PCDHA7: variants seen among roughly 807,000 people sequenced by gnomAD.
The protein encoded by PCDHA7 is protocadherin alpha 7.
A neutral mutation model predicts 57.2 loss-of-function variants in PCDHA7; 37 were observed. The ratio of observed to expected loss-of-function variants is 0.65; its 90% CI spans 0.50 to 0.85. The LOEUF is 0.85. Among genes scored for constraint, PCDHA7 ranks in the 40% least tolerant of loss-of-function variants. PCDHA7 has a pLI of 0.00. For synonymous variants in PCDHA7, 553 were observed against 558.8 expected (o/e 0.99, Z 0.15); for missense variants, 1,188 against 1,241.8 (o/e 0.96, Z 0.65).
At chr5:140,883,758 G>T in intron 1 of PCDHA7, 1 of 1,612,920 alleles carries the variant, frequency 6.2e-7, no homozygotes, top group Non-Finnish European at 8.5e-7. Flanking sequence ...CTGGTGGAGC[G>T]GCGGGTGGGC....
intron 1 of PCDHA7, chr5:140,967,360 G>T: frequency 6.2e-7 from 1 of 1,607,656 alleles, no homozygotes. Flanking sequence ...TGGACCTTAA[G>T]CCCCTGCAGG....
chr5:140,887,043 A>G (rs1459489169), intron 1 of PCDHA7, among the ~76,000 whole-genome samples: 1 of 151,986 alleles, frequency 6.6e-6, no homozygotes, highest in Admixed American at 6.6e-5. Context: ...TATTTTTTAT[A>G]GTGCATATGT....
At chr5:140,937,878 C>G (rs2091818368) in intron 1 of PCDHA7, among the ~76,000 whole-genome samples, 1 of 150,504 alleles carries the variant, frequency 6.6e-6, no homozygotes, top group Admixed American at 6.6e-5. Context: ...CGCCACTGCA[C>G]TCCAGCCTGG....
At chr5:140,966,208 T>G (rs993246205) in intron 1 of PCDHA7, 2 of 231,366 alleles carry the variant, frequency 8.6e-6, no homozygotes, top group Admixed American at 1.1e-4. Flanking sequence ...TTGACTGCTT[T>G]TCCCAGACTA....
At chr5:140,882,113 G>C in intron 1 of PCDHA7, 1 of 1,394,318 alleles carries the variant, frequency 7.2e-7, no homozygotes, top group South Asian at 1.5e-5. Context: ...GAAGAAAGCC[G>C]CCGTTTCTTT....
intron 1 of PCDHA7, among the ~76,000 whole-genome samples, chr5:140,939,663 C>T (rs1282923741): frequency 6.6e-6 from 1 of 152,116 alleles, no homozygotes; most frequent in Non-Finnish European, 1.5e-5. Context: ...ACAGGAATAA[C>T]CAACTTGTAT....
chr5:140,888,755 T>C (rs1290458155), intron 1 of PCDHA7, among the ~76,000 whole-genome samples: 1 of 146,364 alleles, frequency 6.8e-6, no homozygotes, highest in African/African-American at 2.5e-5. Flanking sequence ...TTCTACCCAC[T>C]TTTTTTTTTA....
intron 1 of PCDHA7, among the ~76,000 whole-genome samples, chr5:140,845,512 T>C (rs2150379573): frequency 1.1e-4 from 17 of 149,824 alleles, no homozygotes; most frequent in Admixed American, 1.1e-3. Flanking sequence ...ACCTATTTCT[T>C]GTACATTAAT....
At position 140,850,022 on chromosome 5, in the gene PCDHA7, A is replaced by G. The variant is rs201141536; in HGVS notation, c.2355+13284A>G. The stretch of plus-strand genomic sequence containing the variant: ...AGCGCTCGCTGTCGAGCTACGTGTC[A>G]GTGCACGCGGAGAGCGGCAAGGTGT... On this transcript the variant is annotated intron_variant, in intron 1 of 3. Transcript: ENST00000525929. 38 of 1,596,678 alleles carry G rather than the reference A, an allele frequency of 2.4e-5. 5 individuals are homozygous for G. The highest frequency in any genetic ancestry group is 7.7e-5 in the South Asian group (7 of 90,486).
intron 1 of PCDHA7, among the ~76,000 whole-genome samples, chr5:140,977,477 A>G (rs919582107): frequency 4.6e-5 from 7 of 152,230 alleles, no homozygotes. Flanking sequence ...AGATAATTTT[A>G]TGCTATGTTA....
chr5:140,841,754 T>C (rs1777466378), intron 1 of PCDHA7: 2 of 1,613,818 alleles, frequency 1.2e-6, no homozygotes, highest in South Asian at 2.2e-5. Context: ...TGTTTCAGAA[T>C]CCAGAATGCC....
At position 140,982,478 on chromosome 5, in the gene PCDHA7, T is replaced by C; in HGVS notation, c.2418T>C (p.Ser806=). ...CTGGGTCTGTGTGTTTATTCAGCTCTGTGCACCTAGAGGAGGCTGGCATTC... is the reference window on the plus strand; with the variant it reads ...CTGGGTCTGTGTGTTTATTCAGCTCCGTGCACCTAGAGGAGGCTGGCATTC... ...SASLRAGMHS[S]VHLEEAGILR... Residue 806 remains serine (S), a synonymous_variant, in exon 3 of 4, where the codon TCT becomes TCC. Coordinates refer to ENST00000525929, the MANE Select transcript of PCDHA7 (RefSeq NM_018910.3). 1 of 1,614,192 alleles carries C rather than the reference T, an allele frequency of 6.2e-7. No individual in the cohort carries two copies. The highest frequency in any genetic ancestry group is 2.2e-5 in the East Asian group (1 of 44,884).
chr5:140,836,895 A>G (rs1339036250), intron 1 of PCDHA7, 157 bp downstream of exon 1: 1 of 615,448 alleles, frequency 1.6e-6, no homozygotes, highest in African/African-American at 1.9e-5. Context: ...ATTTGGAAGT[A>G]CGTTTAATAT....
intron 1 of PCDHA7, among the ~76,000 whole-genome samples, chr5:140,923,950 C>A (rs544576500): frequency 6.6e-6 from 1 of 152,148 alleles, no homozygotes; most frequent in Non-Finnish European, 1.5e-5. Context: ...TTTTTCCTCA[C>A]GCCCTAATCT....
intron 1 of PCDHA7, among the ~76,000 whole-genome samples, chr5:140,963,204 AAACCTCGTGTT>A (rs2095746581): frequency 6.6e-6 from 1 of 152,104 alleles, no homozygotes; most frequent in South Asian, 2.1e-4. Context: ...ATGAAAAAAA[AAACCTCGTGTT>A]TAGAGTAGAC....
chr5:140,951,365 A>G (rs987513388), intron 1 of PCDHA7, among the ~76,000 whole-genome samples: 17 of 152,160 alleles, frequency 1.1e-4, no homozygotes, highest in African/African-American at 4.1e-4. Context: ...ACTGTTATAA[A>G]GAAACACCCA....
intron 1 of PCDHA7, among the ~76,000 whole-genome samples, chr5:140,898,033 G>T (rs1293808474): frequency 2.6e-5 from 4 of 152,032 alleles, no homozygotes; most frequent in African/African-American, 9.7e-5. Flanking sequence ...TTTTGATGGG[G>T]TTGTTTGTTT....
rs1580998752 is a variant in PCDHA7 at position 140,842,398 on chromosome 5, A to G, written c.2355+5660A>G. 3.1e-6 allele frequency: 5 copies of G among 1,611,514 alleles called. No individual in the cohort carries two copies. The African/African-American group carries it at 6.7e-5, about 22-fold the overall frequency. On this transcript the variant is annotated intron_variant, in intron 1 of 3. Coordinates refer to ENST00000525929, the MANE Select transcript of PCDHA7 (RefSeq NM_018910.3). ...CACTGACTTCCTTATCCTTGCCTGTACGTGAAGACGCTCAATTTGGTACTG... is the reference window on the plus strand; with the variant it reads ...CACTGACTTCCTTATCCTTGCCTGTGCGTGAAGACGCTCAATTTGGTACTG...
chr5:140,851,254 A>G (rs2150271165), intron 1 of PCDHA7: 1 of 1,091,684 alleles, frequency 9.2e-7, no homozygotes, highest in East Asian at 4.0e-5. Context: ...GATGCATAGT[A>G]TTTTAGTCTA....
Sources: gnomAD v4.1 joint callset for allele counts (sites outside exome capture counted in the v4.1 genomes callset) on GRCh38, gnomAD v4.1.1 for gene constraint, MANE v1.5 for transcripts, NCBI Gene and HGNC (gene_info 2026-07-23, HGNC 2026-07-21) for gene names.